NARS2: variants seen among roughly 807,000 people sequenced by gnomAD.
The protein encoded by NARS2 is asparaginyl-tRNA synthetase 2, mitochondrial.
Under a neutral mutation model 62.9 loss-of-function variants are expected in NARS2, and 60 were observed. The observed-to-expected ratio is 0.95, with a 90% CI of 0.77 to 1.18. NARS2 has a LOEUF of 1.18. Among genes scored for constraint, NARS2 ranks in the 50% most tolerant of loss-of-function variants. The pLI, the probability that NARS2 is intolerant of heterozygous loss-of-function variation, is 0.00. For missense variants in NARS2, 619 were observed against 576.4 expected (o/e 1.07, Z -0.76); for synonymous variants, 196 against 200.0 (o/e 0.98, Z 0.17).
At chr11:78,528,705 A>C (rs1861380250) in intron 6 of NARS2, 137 bp downstream of exon 6, 2 of 624,514 alleles carry the variant, frequency 3.2e-6, no homozygotes, top group Non-Finnish European at 2.8e-6. Flanking sequence ...TACAAGTAAG[A>C]AGCTTAAATA....
intron 6 of NARS2, among the ~76,000 whole-genome samples, chr11:78,521,874 A>C (rs372909582): frequency 2.6e-5 from 4 of 152,072 alleles, no homozygotes; most frequent in African/African-American, 9.6e-5. Context: ...CAGAATTCAG[A>C]TCTTTATTTT....
intron 13 of NARS2, among the ~76,000 whole-genome samples, chr11:78,440,799 C>A (rs566309132): frequency 6.6e-6 from 1 of 152,326 alleles, no homozygotes; most frequent in Non-Finnish European, 1.5e-5. Flanking sequence ...TCCCAAAGTG[C>A]TGGGATTACA....
chr11:78,466,766 CCA>C (rs935949108), intron 10 of NARS2, among the ~76,000 whole-genome samples: 5 of 152,172 alleles, frequency 3.3e-5, no homozygotes, highest in African/African-American at 1.2e-4. Context: ...CAGGTGTGAG[CCA>C]CAGTGATGGC....
chr11:78,467,191 C>T (rs983878542), intron 10 of NARS2, among the ~76,000 whole-genome samples: 1 of 152,140 alleles, frequency 6.6e-6, no homozygotes. Flanking sequence ...TTGCCTCCAA[C>T]ATTATACATA....
intron 5 of NARS2, among the ~76,000 whole-genome samples, chr11:78,551,851 CA>C (rs200043365): frequency 1.4e-5 from 2 of 146,682 alleles, no homozygotes; most frequent in East Asian, 2.0e-4. Context: ...GACTTTGTCT[CA>C]AAAAAAAACA....
chr11:78,490,380 CAATGCTCTGAATAA>C (rs890952967), intron 7 of NARS2, among the ~76,000 whole-genome samples: 5 of 152,186 alleles, frequency 3.3e-5, no homozygotes, highest in African/African-American at 1.2e-4. Flanking sequence ...TAGTACAAGG[CAATGCTCTGAATAA>C]AATGACTCTG....
At chr11:78,478,973 T>C (rs1305728359) in intron 7 of NARS2, among the ~76,000 whole-genome samples, 3 of 152,216 alleles carry the variant, frequency 2.0e-5, no homozygotes, top group Non-Finnish European at 2.9e-5. Flanking sequence ...AATGCCTCTC[T>C]AAATTTCAAT....
intron 5 of NARS2, among the ~76,000 whole-genome samples, chr11:78,534,668 A>G (rs919095013): frequency 6.6e-6 from 1 of 152,224 alleles, no homozygotes; most frequent in Non-Finnish European, 1.5e-5. Flanking sequence ...CATCAAATTA[A>G]GAAATATTGG....
intron 6 of NARS2, among the ~76,000 whole-genome samples, chr11:78,515,857 G>C (rs1300096405): frequency 6.6e-6 from 1 of 152,094 alleles, no homozygotes; most frequent in Non-Finnish European, 1.5e-5. Context: ...GAATTTTATG[G>C]TATGTGAATT....
chr11:78,556,900 T>A (rs943044435), intron 5 of NARS2, among the ~76,000 whole-genome samples: 2 of 152,202 alleles, frequency 1.3e-5, no homozygotes, highest in African/African-American at 4.8e-5. Flanking sequence ...CAACAGTGAA[T>A]GAAAAGCATG....
intron 13 of NARS2, among the ~76,000 whole-genome samples, chr11:78,439,729 G>A (rs1054717955): frequency 3.9e-5 from 6 of 152,208 alleles, no homozygotes; most frequent in South Asian, 2.1e-4. Context: ...ACCAAAAGGC[G>A]AGGGTGTAGG....
At position 78,540,408 on chromosome 11, in the gene NARS2, T is replaced by C. The variant is rs369970261; in HGVS notation, c.595-11472A>G. On this transcript the variant is annotated intron_variant, in intron 5 of 13. Coordinates refer to ENST00000281038, the MANE Select transcript of NARS2 (RefSeq NM_024678.6). ...CCACACAAGTCCGACTCTGTCTCCATGTAAAATATATAGCAAGGAGCGAGA... is the reference window on the plus strand; with the variant it reads ...CCACACAAGTCCGACTCTGTCTCCACGTAAAATATATAGCAAGGAGCGAGA... Among the ~76,000 whole-genome samples the C allele has an allele frequency of 3.9e-5, 6 of 152,340 alleles. No individual in the cohort carries two copies. The East Asian group carries it at 9.6e-4, about 24-fold the overall frequency.
At chr11:78,455,408 T>C (rs1217832211) in intron 11 of NARS2, among the ~76,000 whole-genome samples, 1 of 152,170 alleles carries the variant, frequency 6.6e-6, no homozygotes, top group East Asian at 1.9e-4. Flanking sequence ...AAAATATGTG[T>C]AAAAAGTACA....
At chr11:78,439,454 T>C (rs950211113) in intron 13 of NARS2, among the ~76,000 whole-genome samples, 1 of 152,174 alleles carries the variant, frequency 6.6e-6, no homozygotes, top group South Asian at 2.1e-4. Context: ...ATAGCAAGAC[T>C]CAGAACAAAG....
rs188638709 is a variant in NARS2 at position 78,462,955 on chromosome 11, T to C, written c.1164+2921A>G. On this transcript the variant is annotated intron_variant, in intron 11 of 13. Transcript: ENST00000281038. ...TTTTGGGCCTATTTTGAAATCAATA[T>C]AATCTGTCTCATAGACTTTTACAAC... Among the ~76,000 whole-genome samples the C allele has an allele frequency of 2.8e-3, 434 of 152,320 alleles. 2 individuals are homozygous for C. Among genetic ancestry groups the C allele is most frequent in the Non-Finnish European group, 5.5e-3 (372 of 68,022 alleles).
chr11:78,508,226 G>C (rs1189119452), intron 6 of NARS2, among the ~76,000 whole-genome samples: 1 of 152,172 alleles, frequency 6.6e-6, no homozygotes, highest in Non-Finnish European at 1.5e-5. Context: ...AAAATGAATA[G>C]AGATTAAGTG....
At chr11:78,543,323 C>T (rs1855704581) in intron 5 of NARS2, among the ~76,000 whole-genome samples, 1 of 152,184 alleles carries the variant, frequency 6.6e-6, no homozygotes, top group South Asian at 2.1e-4. Flanking sequence ...ATGCTTCCTT[C>T]AAAGATGGCA....
chr11:78,449,366 T>C (rs1166604375), intron 11 of NARS2, among the ~76,000 whole-genome samples: 1 of 151,878 alleles, frequency 6.6e-6, no homozygotes, highest in African/African-American at 2.4e-5. Context: ...TCGGATCTCC[T>C]GACCTCGTGA....
chr11:78,509,010 G>A (rs1860613165), intron 6 of NARS2, among the ~76,000 whole-genome samples: 1 of 151,402 alleles, frequency 6.6e-6, no homozygotes, highest in Admixed American at 6.6e-5. Context: ...AGCTACTCAA[G>A]AGACTGAAGC....
Sources: gnomAD v4.1 joint callset for allele counts (sites outside exome capture counted in the v4.1 genomes callset) on GRCh38, gnomAD v4.1.1 for gene constraint, MANE v1.5 for transcripts, NCBI Gene and HGNC (gene_info 2026-07-23, HGNC 2026-07-21) for gene names.